TMEM182: variants seen among roughly 807,000 people sequenced by gnomAD.
TMEM182 encodes transmembrane protein 182.
In TMEM182, 20 loss-of-function variants were observed where a neutral mutation model predicts 26.8. The observed-to-expected ratio is 0.75, with a 90% confidence interval of 0.53 to 1.09. The LOEUF is 1.09. TMEM182 is among the 50% of genes least tolerant of loss of function. The probability of loss-of-function intolerance (pLI) is 0.00; values close to 1 mark genes in which losing one functional copy is unlikely to be tolerated. For synonymous variants in TMEM182, 109 were observed against 102.2 expected (o/e 1.07, Z -0.40); for missense variants, 277 against 275.5 (o/e 1.01, Z -0.04).
At position 102,816,084 on chromosome 2, in the gene TMEM182, G is replaced by A; in HGVS notation, c.*1116G>A. On this transcript the variant is annotated 3_prime_UTR_variant, in exon 5 of 5. Transcript: ENST00000412401. ...ACCTCCTAGAAGAAAGTTTTTGTGG[G>A]GAAAGATGATTCTGTATTATTCAGT... The A allele has an allele frequency of 1.0e-6, 1 of 985,256 alleles. No homozygotes were observed. Among genetic ancestry groups the A allele is most frequent in the African/African-American group, 1.7e-5 (1 of 57,306 alleles). 61.0% of individuals were successfully genotyped at this position (985,256 alleles called of 1,614,324 possible).
At chr2:102,762,504 T>C (rs766614241) in intron 1 of TMEM182, 83 bp from the exon 2 acceptor site, 281 of 1,539,748 alleles carry the variant, frequency 1.8e-4, no homozygotes, top group Non-Finnish European at 2.5e-4. Flanking sequence ...ATAAAATACA[T>C]GTCCTTAAAA....
intron 3 of TMEM182, among the ~76,000 whole-genome samples, chr2:102,784,009 T>C: frequency 6.6e-6 from 1 of 152,074 alleles, no homozygotes; most frequent in East Asian, 1.9e-4. Context: ...CATTCCAAAC[T>C]ACGCCGGACC....
chr2:102,780,049 ATTT>A (rs779455881), intron 3 of TMEM182, among the ~76,000 whole-genome samples: 2 of 140,226 alleles, frequency 1.4e-5, no homozygotes, highest in Non-Finnish European at 1.6e-5. Flanking sequence ...GCCATTGAAG[ATTT>A]TTTTTTTTTT....
chr2:102,804,301 C>T lies in TMEM182; in HGVS notation c.469+6301C>T, dbSNP rs188208064. ...TGCACTCTATTTGTAGTCTTTTATC[C>T]CTTGCCCCCTTCTACCCTTCCCCCC... is the stretch of plus-strand genomic sequence containing the variant. On this transcript the variant is annotated intron_variant, in intron 4 of 4. Transcript: ENST00000412401. 1.9e-4 allele frequency among the ~76,000 whole-genome samples: 29 copies of T among 152,110 alleles called. 1 individual carries two copies. In the East Asian group the frequency reaches 5.0e-3, roughly 26 times the overall value.
intron 3 of TMEM182, among the ~76,000 whole-genome samples, chr2:102,782,317 A>C (rs1681205416): frequency 6.6e-6 from 1 of 151,800 alleles, no homozygotes; most frequent in Non-Finnish European, 1.5e-5. Flanking sequence ...CAAGAGTAAA[A>C]CTCCATAAAA....
Position 102,826,301 on chromosome 2 carries a change from CTTTTTTTTT to C in TMEM182, c.326-17099_326-17091del, listed in dbSNP as rs375776814. On this transcript the variant is annotated intron_variant, in intron 3 of 3. Coordinates refer to the TMEM182 transcript ENST00000486293. The stretch of plus-strand genomic sequence containing the variant: ...AGTGCAGCGTACAGTCTGCAGCTGG[CTTTTTTTTT>C]TTTTTTTTTTTAACAAAGTTCCCAA... Among the ~76,000 whole-genome samples the C allele has an allele frequency of 4.7e-4, 56 of 120,066 alleles. 1 individual carries two copies. Among genetic ancestry groups the C allele is most frequent in the Admixed American group, 3.8e-3 (44 of 11,664 alleles). 78.8% of individuals were successfully genotyped at this position (120,066 alleles called of 152,430 possible). A position where few individuals can be genotyped will look rare whatever the true frequency, so the allele number is the denominator to read the frequency against.
chr2:102,815,033 T>C lies in TMEM182; in HGVS notation c.*65T>C, dbSNP rs1324974442. 6.3e-7 allele frequency: 1 copy of C among 1,576,598 alleles called. No homozygotes were observed. Among genetic ancestry groups the C allele is most frequent in the Non-Finnish European group, 8.6e-7 (1 of 1,161,052 alleles). ...AACAAGGAATACTTTTTTTCCATTT[T>C]GTTTCATTGATCCCAGCATAAAGTT... On this transcript the variant is annotated 3_prime_UTR_variant, in exon 5 of 5. Coordinates refer to ENST00000412401, the MANE Select transcript of TMEM182 (RefSeq NM_144632.5).
chr2:102,810,644 G>T (rs1369506682), intron 4 of TMEM182, among the ~76,000 whole-genome samples: 1 of 152,102 alleles, frequency 6.6e-6, no homozygotes, highest in East Asian at 1.9e-4. Context: ...TTATCTTTCT[G>T]CAGTTTCACT....
chr2:102,814,602 C>A, intron 4 of TMEM182, 146 bp from the exon 5 acceptor site: 1 of 671,190 alleles, frequency 1.5e-6, no homozygotes, highest in Non-Finnish European at 2.5e-6. Context: ...CTATAAAGTA[C>A]ATAATAAAAG....
Position 102,815,807 on chromosome 2 carries a change from TTGCTATCA to T in TMEM182, c.*841_*848del. 1 of 915,242 alleles carries T rather than the reference TTGCTATCA, an allele frequency of 1.1e-6. No homozygotes were observed. Among genetic ancestry groups the T allele is most frequent in the Non-Finnish European group, 1.3e-6 (1 of 766,296 alleles). The allele number at this position is 915,242 out of a possible 1,614,324, so 56.7% of individuals were successfully genotyped here. ...TTAAAATTCTCATTTAAAAATTATA[TTGCTATCA>T]TTCAGCATGTGAAAATTTATTGATA... On this transcript the variant is annotated 3_prime_UTR_variant, in exon 5 of 5. Transcript: ENST00000412401.
At chr2:102,778,377 A>G (rs558267779) in intron 3 of TMEM182, among the ~76,000 whole-genome samples, 10 of 152,056 alleles carry the variant, frequency 6.6e-5, no homozygotes, top group South Asian at 4.2e-4. Flanking sequence ...TTTACCTTCA[A>G]CTTACCTATA....
At chr2:102,797,782 G>A (rs1681930033) in intron 3 of TMEM182, 81 bp from the exon 4 acceptor site, 1 of 1,500,924 alleles carries the variant, frequency 6.7e-7, no homozygotes, top group Non-Finnish European at 8.9e-7. Flanking sequence ...GAAGATGAAA[G>A]CAACTGACTG....
At chr2:102,794,272 G>A (rs964468423) in intron 3 of TMEM182, among the ~76,000 whole-genome samples, 3 of 152,002 alleles carry the variant, frequency 2.0e-5, no homozygotes, top group East Asian at 1.9e-4. Flanking sequence ...CAGGTCACTC[G>A]GACTCCAACA....
At chr2:102,809,493 C>G (rs1682471815) in intron 4 of TMEM182, among the ~76,000 whole-genome samples, 1 of 152,152 alleles carries the variant, frequency 6.6e-6, no homozygotes, top group Non-Finnish European at 1.5e-5. Context: ...CTGCTGCCTT[C>G]TAGGCAGCTC....
chr2:102,766,930 A>G (rs1680475001), intron 3 of TMEM182, among the ~76,000 whole-genome samples: 2 of 152,236 alleles, frequency 1.3e-5, no homozygotes, highest in Non-Finnish European at 2.9e-5. Flanking sequence ...TTAGAATTAT[A>G]GGACACTACC....
At position 102,799,353 on chromosome 2, in the gene TMEM182, AAAT is replaced by A. The variant is rs553788784; in HGVS notation, c.469+1360_469+1362del. ...GTGCTTAATTCTGCAGAGGGAATAA[AAAT>A]AATAATCAGATCTAGATCCTGTATT... On this transcript the variant is annotated intron_variant, in intron 4 of 4. Coordinates refer to ENST00000412401, the MANE Select transcript of TMEM182 (RefSeq NM_144632.5). Among the ~76,000 whole-genome samples the A allele has an allele frequency of 2.0e-4, 31 of 152,358 alleles. No homozygotes were observed. The South Asian group carries it at 3.7e-3, about 18-fold the overall frequency.
At chr2:102,782,425 C>G (rs1023189424) in intron 3 of TMEM182, among the ~76,000 whole-genome samples, 7 of 151,688 alleles carry the variant, frequency 4.6e-5, no homozygotes, top group African/African-American at 1.7e-4. Flanking sequence ...ATTATTAATA[C>G]CACAATAAAT....
upstream of TMEM182, chr2:102,757,490 G>C (rs547116149): frequency 6.6e-6 from 1 of 152,218 alleles, no homozygotes; most frequent in South Asian, 2.1e-4. Flanking sequence ...TGCCCACAGA[G>C]ACACTGGTTG....
intron 1 of TMEM182, among the ~76,000 whole-genome samples, chr2:102,750,251 T>C (rs912713052): frequency 1.1e-3 from 161 of 152,300 alleles, no homozygotes; most frequent in African/African-American, 3.8e-3. Flanking sequence ...ATTTTAAAAA[T>C]TCAGTGTTTA....
Sources: gnomAD v4.1 joint callset for allele counts (sites outside exome capture counted in the v4.1 genomes callset) on GRCh38, gnomAD v4.1.1 for gene constraint, MANE v1.5 for transcripts, NCBI Gene and HGNC (gene_info 2026-07-23, HGNC 2026-07-21) for gene names.